Variants in HMCN1 observed in about 807,000 individuals in gnomAD.
HMCN1 encodes the protein hemicentin 1.
A neutral mutation model predicts 625.9 loss-of-function variants in HMCN1; 321 were observed. That is an observed-to-expected ratio of 0.51 (90% CI 0.47 to 0.56). The LOEUF (loss-of-function observed/expected upper bound fraction) is 0.56. HMCN1 is among the 20% of genes least tolerant of loss of function. The probability of loss-of-function intolerance (pLI) is 0.00; values close to 1 mark genes in which losing one functional copy is unlikely to be tolerated. For missense variants in HMCN1, 6,588 were observed against 6,887.3 expected (o/e 0.96, Z 1.54); for synonymous variants, 2,425 against 2,417.6 (o/e 1.00, Z -0.09).
At chr1:185,864,925 A>C (rs1663087052) in intron 3 of HMCN1, among the ~76,000 whole-genome samples, 1 of 152,254 alleles carries the variant, frequency 6.6e-6, no homozygotes, top group African/African-American at 2.4e-5. Context: ...TAACCAAAAA[A>C]GGCTTATATT....
At position 185,980,970 on chromosome 1, in the gene HMCN1, C is replaced by T. The variant is rs1413516300; in HGVS notation, c.2567-8C>T. ...GTATTGGATGAGTAAATGAGTTCTT[C>T]CTTTTAGACTTATGGGCAAGTGATA... On this transcript the variant is annotated splice_polypyrimidine_tract_variant and splice_region_variant and intron_variant, in intron 16 of 106. Coordinates refer to ENST00000271588, the MANE Select transcript of HMCN1 (RefSeq NM_031935.3). 2 of 1,546,042 alleles carry T rather than the reference C, an allele frequency of 1.3e-6. No individual in the cohort carries two copies. The highest frequency in any genetic ancestry group is 2.7e-5 in the African/African-American group (2 of 73,526).
At chr1:185,877,685 G>A (rs1415173734) in intron 4 of HMCN1, among the ~76,000 whole-genome samples, 2 of 151,446 alleles carry the variant, frequency 1.3e-5, no homozygotes, top group African/African-American at 2.4e-5. Context: ...TCACCTCCTT[G>A]GTTAAATATA....
intron 17 of HMCN1, among the ~76,000 whole-genome samples, chr1:185,981,652 C>T (rs1308955947): frequency 1.3e-5 from 2 of 152,008 alleles, no homozygotes; most frequent in African/African-American, 4.8e-5. Context: ...CTCATTAATA[C>T]CCTTTTACAC....
At chr1:185,914,328 T>C (rs1191542308) in intron 6 of HMCN1, among the ~76,000 whole-genome samples, 2 of 152,148 alleles carry the variant, frequency 1.3e-5, no homozygotes, top group Non-Finnish European at 2.9e-5. Context: ...TGATATTAGA[T>C]AGTGTTTCCC....
intron 4 of HMCN1, among the ~76,000 whole-genome samples, chr1:185,885,483 T>C (rs1664587777): frequency 6.6e-6 from 1 of 151,928 alleles, no homozygotes; most frequent in Non-Finnish European, 1.5e-5. Flanking sequence ...TTATTACCTG[T>C]GTTAAAAATT....
At chr1:185,976,074 A>T (rs775878286) in intron 15 of HMCN1, among the ~76,000 whole-genome samples, 7 of 152,224 alleles carry the variant, frequency 4.6e-5, no homozygotes, top group Non-Finnish European at 8.8e-5. Context: ...AAACAAATGT[A>T]GTCTAACAAC....
chr1:186,052,749 T>A (rs1657044260), intron 42 of HMCN1, among the ~76,000 whole-genome samples: 1 of 152,008 alleles, frequency 6.6e-6, no homozygotes, highest in Admixed American at 6.6e-5. Flanking sequence ...TTTTGAAAAA[T>A]TTATATCTGT....
intron 11 of HMCN1, among the ~76,000 whole-genome samples, chr1:185,961,000 C>G (rs939569223): frequency 6.6e-6 from 1 of 152,140 alleles, no homozygotes; most frequent in Non-Finnish European, 1.5e-5. Context: ...TTCTCTAGCC[C>G]TATGCTCACC....
At chr1:185,792,403 C>G (rs1658069451) in intron 1 of HMCN1, among the ~76,000 whole-genome samples, 1 of 152,106 alleles carries the variant, frequency 6.6e-6, no homozygotes, top group South Asian at 2.1e-4. Flanking sequence ...TTCCTATTAT[C>G]TTTTTAGTAG....
chr1:185,917,127 C>T (rs1203209198), intron 6 of HMCN1, among the ~76,000 whole-genome samples: 1 of 152,046 alleles, frequency 6.6e-6, no homozygotes, highest in African/African-American at 2.4e-5. Context: ...AGCTAGGAAT[C>T]AGCTATGATG....
At chr1:186,173,645 A>AAAAAG (rs1288571538) in intron 102 of HMCN1, among the ~76,000 whole-genome samples, 1 of 151,000 alleles carries the variant, frequency 6.6e-6, no homozygotes, top group Non-Finnish European at 1.5e-5. Flanking sequence ...CATCTCAAAA[A>AAAAAG]AAAAAAAAAA....
In HMCN1 at chr1:185,928,632, G is replaced by C. The variant is rs1667393354; in HGVS notation, c.1517G>C (p.Gly506Ala). The C allele has an allele frequency of 1.2e-6, 2 of 1,613,364 alleles. No homozygotes were observed. The highest frequency in any genetic ancestry group is 1.7e-6 in the Non-Finnish European group (2 of 1,179,476). The part of the protein sequence containing the change: ...FYECIAVSSA[G>A]TGRAQTFFDV... The stretch of plus-strand genomic sequence containing the variant: ...GAATGCATTGCTGTCAGCAGTGCAG[G>C]TACTGGACGGGCACAGACATTTTTT... Residue 506 changes from glycine (G) to alanine (A), a missense_variant, in exon 10 of 107, where the codon GGT becomes GCT. Coordinates refer to ENST00000271588, the MANE Select transcript of HMCN1 (RefSeq NM_031935.3).
intron 58 of HMCN1, 102 bp downstream of exon 58, chr1:186,086,509 A>G: frequency 8.2e-7 from 1 of 1,215,844 alleles, no homozygotes. Flanking sequence ...GTCGTGCTTC[A>G]TTTATTTATT....
At chr1:185,874,158 CT>C (rs957891412) in intron 4 of HMCN1, among the ~76,000 whole-genome samples, 2 of 151,734 alleles carry the variant, frequency 1.3e-5, no homozygotes, top group African/African-American at 4.8e-5. Flanking sequence ...TTAAATATTT[CT>C]GTATATTATG....
At position 186,123,166 on chromosome 1, in the gene HMCN1, A is replaced by C; in HGVS notation, c.12445A>C (p.Met4149Leu). Residue 4149 changes from methionine (M) to leucine (L), a missense_variant, in exon 81 of 107, where the codon ATG (methionine) becomes CTG (leucine). This residue lies in a region of HMCN1 where 1,954 missense variants were observed against 2,013.1 expected (regional missense o/e 0.97). Coordinates refer to ENST00000271588, the MANE Select transcript of HMCN1 (RefSeq NM_031935.3). ...QPGDAGHYTC[M>L]AANVAGSSST... ...TGGTGATGCTGGCCATTACACGTGC[A>C]TGGCAGCCAATGTAGCAGGATCAAG... 6.2e-7 allele frequency: 1 copy of C among 1,613,948 alleles called. No homozygotes were observed. The highest frequency in any genetic ancestry group is 1.1e-5 in the South Asian group (1 of 91,076).
intron 15 of HMCN1, among the ~76,000 whole-genome samples, chr1:185,973,252 ATTAAC>A (rs781362042): frequency 2.7e-4 from 41 of 152,190 alleles, no homozygotes; most frequent in Non-Finnish European, 4.6e-4. Context: ...GTAAATGAAT[ATTAAC>A]TTCACAAATT....
chr1:185,922,276 C>T (rs567658993), intron 6 of HMCN1, 103 bp from the exon 7 acceptor site: 21 of 1,299,896 alleles, frequency 1.6e-5, no homozygotes, highest in African/African-American at 1.2e-4. Context: ...TTTTGGACAT[C>T]GATCCTAATT....
rs1650148511 is a variant in HMCN1 at position 186,144,331 on chromosome 1, A to G, written c.14083A>G (p.Arg4695Gly). 3 of 1,613,600 alleles carry G rather than the reference A, an allele frequency of 1.9e-6. No homozygotes were observed. In the East Asian group the frequency reaches 6.7e-5, roughly 36 times the overall value. The stretch of plus-strand genomic sequence containing the variant: ...AACACAGATGCAAGTTTGCAATGAA[A>G]GAAATTGTCCAAGTAAGAGAAATAC... ...AETQMQVCNERNCPIHGKWAT... is the reference protein window; with the variant it reads ...AETQMQVCNEGNCPIHGKWAT... Residue 4695 changes from arginine to glycine, a missense_variant, in exon 90 of 107, where the codon AGA becomes GGA. Physicochemically the swap from Arg to Gly is moderately radical, Grantham distance 125. Around this residue, in one of 3 missense-constraint regions of HMCN1, gnomAD observed 1,954 missense variants for 2,013.1 expected, o/e 0.97. Coordinates refer to ENST00000271588, the MANE Select transcript of HMCN1 (RefSeq NM_031935.3).
chr1:186,009,512 C>T (rs1390880596), intron 30 of HMCN1, among the ~76,000 whole-genome samples: 2 of 152,048 alleles, frequency 1.3e-5, no homozygotes, highest in Non-Finnish European at 1.5e-5. Flanking sequence ...AGGTATCATG[C>T]TTTGGCTAAC....
Sources: gnomAD v4.1 joint callset for allele counts (sites outside exome capture counted in the v4.1 genomes callset) on GRCh38, gnomAD v4.1.1 for gene constraint, gnomAD v4.1.1 regional missense constraint, MANE v1.5 for transcripts, NCBI Gene and HGNC (gene_info 2026-07-23, HGNC 2026-07-21) for gene names.